Variants in MOB4 observed in about 807,000 individuals in gnomAD.
MOB4 encodes the protein MOB family member 4, phocein.
A neutral mutation model predicts 32.2 loss-of-function variants in MOB4; 4 were observed. The ratio of observed to expected loss-of-function variants is 0.12; its 90% CI spans 0.06 to 0.28. The LOEUF (loss-of-function observed/expected upper bound fraction) is 0.28. MOB4 is among the 10% of genes least tolerant of loss of function. The probability of loss-of-function intolerance (pLI) is 1.00; values close to 1 mark genes in which losing one functional copy is unlikely to be tolerated. For missense variants in MOB4, 158 were observed against 271.2 expected (o/e 0.58, Z 2.93); for synonymous variants, 88 against 88.1 (o/e 1.00, Z 0.01).
intron 3 of MOB4, among the ~76,000 whole-genome samples, chr2:197,537,112 A>G (rs999107170): frequency 2.0e-5 from 3 of 152,174 alleles, no homozygotes; most frequent in African/African-American, 7.2e-5. Context: ...TTACCTGTAA[A>G]TTATTGCAAA....
chr2:197,543,202 G>A (rs1267593325), intron 5 of MOB4, among the ~76,000 whole-genome samples: 1 of 151,996 alleles, frequency 6.6e-6, no homozygotes, highest in Admixed American at 6.6e-5. Context: ...GCTGAGGTGG[G>A]AGAATCACCT....
rs148461666 is a variant in MOB4 at position 197,526,792 on chromosome 2, C to T, written c.123+3106C>T. Among the ~76,000 whole-genome samples the T allele has an allele frequency of 5.0e-3, 754 of 152,230 alleles. 9 individuals carry two copies. The highest frequency in any genetic ancestry group is 0.017 in the African/African-American group (693 of 41,544). On this transcript the variant is annotated intron_variant, in intron 2 of 7. Transcript: ENST00000323303. The stretch of plus-strand genomic sequence containing the variant: ...TATTGAATGGTCTCAGCAGCCTTGT[C>T]GAAATCTTTTGGCCATGTATGTGAC...
At chr2:197,550,444 A>G (rs1462306476) in intron 7 of MOB4, 58 bp downstream of exon 7, 3 of 1,589,478 alleles carry the variant, frequency 1.9e-6, no homozygotes, top group African/African-American at 1.4e-5. Context: ...AGTAATATAT[A>G]TTGATGTTAT....
chr2:197,524,266 C>G (rs141901549), intron 2 of MOB4, among the ~76,000 whole-genome samples: 134 of 152,138 alleles, frequency 8.8e-4, no homozygotes, highest in African/African-American at 3.0e-3. Context: ...GGTGTGGTGG[C>G]TCACAGCTGT....
At chr2:197,543,715 A>G (rs775399487) in intron 5 of MOB4, among the ~76,000 whole-genome samples, 10 of 152,134 alleles carry the variant, frequency 6.6e-5, no homozygotes, top group Non-Finnish European at 1.0e-4. Context: ...ATGGGAAGTT[A>G]GTGCTTAAGG....
chr2:197,515,940 A>G (rs1287275211), upstream of MOB4: 1 of 776,570 alleles, frequency 1.3e-6, no homozygotes, highest in Non-Finnish European at 2.0e-6. Context: ...GCCCGCTTCT[A>G]CCCGGACGGC....
intron 5 of MOB4, among the ~76,000 whole-genome samples, chr2:197,540,907 CT>C (rs796486070): frequency 3.9e-4 from 55 of 142,330 alleles, no homozygotes; most frequent in Admixed American, 7.0e-4. Context: ...TTGTTTTGCT[CT>C]TTTTTTTTTT....
chr2:197,522,125 G>A (rs146735680), intron 1 of MOB4, among the ~76,000 whole-genome samples: 1 of 152,188 alleles, frequency 6.6e-6, no homozygotes, highest in African/African-American at 2.4e-5. Context: ...TTCTTCTGCC[G>A]TGGTTTCAGC....
chr2:197,541,374 C>G (rs1384580819), intron 5 of MOB4, among the ~76,000 whole-genome samples: 2 of 152,154 alleles, frequency 1.3e-5, no homozygotes, highest in East Asian at 3.8e-4. Flanking sequence ...CACTGACTCA[C>G]TGGGGATATT....
chr2:197,520,320 T>C (rs2086492808), intron 1 of MOB4, among the ~76,000 whole-genome samples: 1 of 152,008 alleles, frequency 6.6e-6, no homozygotes, highest in African/African-American at 2.4e-5. Context: ...TTGTATTTTT[T>C]CATAGAGATG....
chr2:197,535,221 T>TC (rs2086777215), intron 2 of MOB4, among the ~76,000 whole-genome samples: 1 of 115,052 alleles, frequency 8.7e-6, no homozygotes, highest in Non-Finnish European at 2.0e-5. Context: ...AGACCCTGTT[T>TC]CAAAAAAAAA....
intron 5 of MOB4, among the ~76,000 whole-genome samples, chr2:197,545,649 C>G (rs1383974218): frequency 6.6e-6 from 1 of 152,054 alleles, no homozygotes; most frequent in Non-Finnish European, 1.5e-5. Flanking sequence ...ATGGATAAGC[C>G]TTGAAAACAT....
chr2:197,520,500 CT>C (rs1275161906), intron 1 of MOB4, among the ~76,000 whole-genome samples: 1 of 152,070 alleles, frequency 6.6e-6, no homozygotes, highest in Admixed American at 6.6e-5. Flanking sequence ...GTTTTGAAGA[CT>C]TAATCTTTGT....
intron 3 of MOB4, among the ~76,000 whole-genome samples, chr2:197,538,469 A>G (rs2086841690): frequency 6.7e-6 from 1 of 150,202 alleles, no homozygotes; most frequent in Middle Eastern, 3.4e-3. Flanking sequence ...AGTTGATTAT[A>G]TAATGATGTT....
intron 2 of MOB4, chr2:197,534,101 G>A: frequency 3.5e-6 from 1 of 286,344 alleles, no homozygotes; most frequent in Admixed American, 4.3e-5. Flanking sequence ...TTTTCTTTTG[G>A]TTTCTATGCT....
intron 2 of MOB4, among the ~76,000 whole-genome samples, chr2:197,527,952 T>C (rs935228566): frequency 6.6e-6 from 1 of 152,222 alleles, no homozygotes; most frequent in African/African-American, 2.4e-5. Flanking sequence ...TTAAAAATGT[T>C]GAACCATCTT....
At chr2:197,541,934 TA>T (rs138624012) in intron 5 of MOB4, among the ~76,000 whole-genome samples, 53,866 of 151,654 alleles carry the variant, frequency 0.36, 11,503 homozygotes, top group South Asian at 0.52. Flanking sequence ...AAATAAAAAA[TA>T]AAAAAAATAA....
intron 2 of MOB4, among the ~76,000 whole-genome samples, chr2:197,529,696 C>T (rs1389032346): frequency 6.6e-6 from 1 of 151,854 alleles, no homozygotes; most frequent in African/African-American, 2.4e-5. Context: ...GCTCTGTCGC[C>T]CAGGCTGGAG....
chr2:197,533,624 C>G (rs1369384703), intron 2 of MOB4, among the ~76,000 whole-genome samples: 2 of 147,830 alleles, frequency 1.4e-5, no homozygotes, highest in Non-Finnish European at 3.0e-5. Flanking sequence ...ACTCGGGAGG[C>G]TGAGGCAGGA....
Sources: allele counts gnomAD v4.1 joint callset (sites outside exome capture counted in the v4.1 genomes callset), GRCh38; gene constraint gnomAD v4.1.1; transcripts MANE v1.5; gene names NCBI Gene and HGNC (gene_info 2026-07-23, HGNC 2026-07-21).